LATS2: variants seen among roughly 807,000 people sequenced by gnomAD.
The protein encoded by LATS2 is large tumor suppressor kinase 2, also known as serine/threonine-protein kinase LATS2.
In LATS2, 24 loss-of-function variants were observed where a neutral mutation model predicts 76.0. The observed-to-expected ratio is 0.32, with a 90% CI of 0.23 to 0.44. The LOEUF (loss-of-function observed/expected upper bound fraction) is 0.44, where lower values mean the gene tolerates loss of function less well. LATS2 is among the 20% of genes least tolerant of loss of function. LATS2 has a pLI of 1.00. For synonymous variants in LATS2, 692 were observed against 635.4 expected (o/e 1.09, Z -1.34); for missense variants, 1,286 against 1,481.2 (o/e 0.87, Z 2.16).
intron 4 of LATS2, 63 bp downstream of exon 4, chr13:20,987,818 G>T: frequency 6.5e-7 from 1 of 1,549,092 alleles, no homozygotes; most frequent in Non-Finnish European, 8.8e-7. Flanking sequence ...GATTGTGCGT[G>T]CTTCCTATTG....
chr13:20,995,917 T>G (rs541138472), intron 2 of LATS2, among the ~76,000 whole-genome samples: 3 of 152,322 alleles, frequency 2.0e-5, no homozygotes, highest in Non-Finnish European at 4.4e-5. Context: ...TTTGATGACT[T>G]TGTGTCAGTC....
At chr13:21,008,305 T>C (rs600426) in intron 2 of LATS2, among the ~76,000 whole-genome samples, 62,245 of 151,690 alleles carry the variant, frequency 0.41, 14,501 homozygotes, top group African/African-American at 0.62. Flanking sequence ...TCTTTGGCTC[T>C]TGCTGCTCCA....
intron 2 of LATS2, among the ~76,000 whole-genome samples, chr13:21,028,790 G>C (rs895113708): frequency 6.6e-6 from 1 of 152,070 alleles, no homozygotes; most frequent in Non-Finnish European, 1.5e-5. Flanking sequence ...GGATGATCTC[G>C]ATCTCTTGAC....
chr13:21,022,103 T>C (rs1312755239), intron 2 of LATS2, among the ~76,000 whole-genome samples: 1 of 152,032 alleles, frequency 6.6e-6, no homozygotes, highest in African/African-American at 2.4e-5. Flanking sequence ...CTCTGAAAAA[T>C]ACCAATGCCC....
Position 20,988,952 on chromosome 13 carries a change from C to G in LATS2, c.828G>C (p.Gln276His), listed in dbSNP as rs748727513. 8.5e-6 allele frequency: 13 copies of G among 1,535,954 alleles called. No individual in the cohort carries two copies. The African/African-American group carries it at 1.2e-4, about 15-fold the overall frequency. The change falls in exon 4 of 8, where the codon CAG (glutamine) becomes CAC (histidine). Residue 276 changes from glutamine (Q) to histidine (H), a missense_variant. Transcript: ENST00000382592. ...CCCCGGTCTCCGGCGGCGTCTTGCT[C>G]TGGAAGGAGGGGCTGCGCTGCACTC... ...GYGVQRSPSFQSKTPPETGGY... is the reference protein window; with the variant it reads ...GYGVQRSPSFHSKTPPETGGY...
chr13:20,978,195 A>AT (rs1293346980), intron 7 of LATS2, among the ~76,000 whole-genome samples: 7 of 152,080 alleles, frequency 4.6e-5, no homozygotes, highest in African/African-American at 1.7e-4. Flanking sequence ...GATGACAGGC[A>AT]TGATCCACCA....
chr13:20,986,960 A>C (rs561580499), intron 4 of LATS2, among the ~76,000 whole-genome samples: 2 of 152,340 alleles, frequency 1.3e-5, no homozygotes, highest in South Asian at 4.1e-4. Flanking sequence ...GGGGAGGCCG[A>C]GGTGGGCAGA....
At chr13:21,000,107 C>T (rs1023736467) in intron 2 of LATS2, among the ~76,000 whole-genome samples, 1 of 152,152 alleles carries the variant, frequency 6.6e-6, no homozygotes, top group Non-Finnish European at 1.5e-5. Context: ...ATAGGCCGGG[C>T]GTGGTGGCTC....
rs200203792 is a variant in LATS2 at position 20,982,999 on chromosome 13, A to AC, written c.2482+224_2482+225insG. On this transcript the variant is annotated intron_variant, in intron 5 of 7. Transcript: ENST00000382592. The stretch of plus-strand genomic sequence containing the variant: ...AAGAGCGAAACTCTGTCTCAAAAAA[A>AC]AAAAAAAAAAAAAGTAAACCTGAAA... Among the ~76,000 whole-genome samples, 1,049 of 151,040 alleles carry AC rather than the reference A, an allele frequency of 6.9e-3. 18 individuals carry two copies. Among genetic ancestry groups the AC allele is most frequent in the African/African-American group, 0.024 (977 of 41,214 alleles).
chr13:21,047,303 C>T (rs542371356), intron 1 of LATS2, among the ~76,000 whole-genome samples: 1 of 152,156 alleles, frequency 6.6e-6, no homozygotes, highest in African/African-American at 2.4e-5. Flanking sequence ...ATGCTTAGGA[C>T]AGTGGTGAGC....
At chr13:20,982,402 C>T (rs562991133) in intron 5 of LATS2, among the ~76,000 whole-genome samples, 2 of 152,320 alleles carry the variant, frequency 1.3e-5, no homozygotes, top group African/African-American at 4.8e-5. Context: ...ACCTCTGCTT[C>T]CCGGGTTCAA....
chr13:20,995,378 G>A (rs1271569283), intron 2 of LATS2, among the ~76,000 whole-genome samples: 4 of 152,190 alleles, frequency 2.6e-5, no homozygotes, highest in Non-Finnish European at 5.9e-5. Flanking sequence ...TCAGGCTGCT[G>A]TGTAAACATT....
intron 2 of LATS2, among the ~76,000 whole-genome samples, chr13:21,034,815 C>A (rs778572163): frequency 3.2e-4 from 48 of 151,986 alleles, no homozygotes; most frequent in Non-Finnish European, 6.6e-4. Context: ...ACAGGAAAGT[C>A]ATCAAGAACT....
chr13:21,017,259 GTT>G (rs1304280540), intron 2 of LATS2, among the ~76,000 whole-genome samples: 1 of 152,160 alleles, frequency 6.6e-6, no homozygotes, highest in Non-Finnish European at 1.5e-5. Context: ...ATGTTTGGTA[GTT>G]TTTTTCTTTT....
rs1226299603 is a variant in LATS2, at chr13:21,060,187, G to A, written c.-205+1159C>T. Among the ~76,000 whole-genome samples, 6 of 152,254 alleles carry A rather than the reference G, an allele frequency of 3.9e-5. No individual in the cohort carries two copies. The South Asian group carries it at 8.3e-4, about 21-fold the overall frequency. On this transcript the variant is annotated intron_variant, in intron 1 of 7. Transcript: ENST00000382592. ...CGTTCCCAACCCTCGGGACACTGGA[G>A]ACTTGCATTTCACAAACGGGTTTGC...
rs1223064368 is a variant in LATS2 at position 20,979,808 on chromosome 13, A to G, written c.2666-11T>C. 3 of 1,440,954 alleles carry G rather than the reference A, an allele frequency of 2.1e-6. No homozygotes were observed. Among genetic ancestry groups the G allele is most frequent in the Non-Finnish European group, 2.9e-6 (3 of 1,024,158 alleles). The allele number at this position is 1,440,954 out of a possible 1,614,324, so 89.3% of individuals were successfully genotyped here. On this transcript the variant is annotated splice_polypyrimidine_tract_variant and intron_variant, in intron 6 of 7. Coordinates refer to ENST00000382592, the MANE Select transcript of LATS2 (RefSeq NM_014572.3). ...AGAGTTGAGTGTACCCTGCAAGACA[A>G]AGTTCACTCAATCCCTACACAGGCA...
At chr13:20,976,339 T>C (rs970623273) in intron 7 of LATS2, among the ~76,000 whole-genome samples, 5 of 152,168 alleles carry the variant, frequency 3.3e-5, no homozygotes, top group Non-Finnish European at 5.9e-5. Context: ...GCTAAAACTG[T>C]AGAGCTCCTA....
chr13:21,010,201 A>AC (rs148603382), intron 2 of LATS2, among the ~76,000 whole-genome samples: 18 of 150,610 alleles, frequency 1.2e-4, no homozygotes, highest in African/African-American at 1.5e-4. Flanking sequence ...CTCTGTCAAA[A>AC]AAACAAACAA....
chr13:20,981,186 T>G (rs757866261), intron 6 of LATS2, among the ~76,000 whole-genome samples: 1 of 151,948 alleles, frequency 6.6e-6, no homozygotes, highest in Non-Finnish European at 1.5e-5. Context: ...CATCTGACTG[T>G]GAAAATCAGG....
Sources: gnomAD v4.1 joint callset for allele counts (sites outside exome capture counted in the v4.1 genomes callset) on GRCh38, gnomAD v4.1.1 for gene constraint, MANE v1.5 for transcripts, NCBI Gene and HGNC (gene_info 2026-07-23, HGNC 2026-07-21) for gene names.